Variants in RBFOX1 observed in about 807,000 individuals in gnomAD.
RBFOX1 encodes the protein RNA binding fox-1 homolog 1, also known as RNA binding protein fox-1 homolog 1.
RBFOX1 carries 8 observed loss-of-function variants against 57.7 expected under a neutral mutation model. That is an observed-to-expected ratio of 0.14 (90% CI 0.08 to 0.25). The LOEUF (loss-of-function observed/expected upper bound fraction) is 0.25. RBFOX1 is among the 10% of genes least tolerant of loss of function. The pLI, the probability that RBFOX1 is intolerant of heterozygous loss-of-function variation, is 1.00. For synonymous variants in RBFOX1, 326 were observed against 222.4 expected, an observed-to-expected ratio of 1.47 and a Z score of -4.15; for missense variants, 611 against 548.5, an observed-to-expected ratio of 1.11 and a Z score of -1.14.
intron 2 of RBFOX1, among the ~76,000 whole-genome samples, chr16:6,410,544 C>T (rs944604711): frequency 6.6e-6 from 1 of 151,940 alleles, no homozygotes; most frequent in Non-Finnish European, 1.5e-5. Flanking sequence ...ATCTCCTGAC[C>T]TCATGATCCA....
At chr16:5,479,751 C>T (rs1043526954) in intron 2 of RBFOX1, among the ~76,000 whole-genome samples, 2 of 151,686 alleles carry the variant, frequency 1.3e-5, no homozygotes, top group Non-Finnish European at 2.9e-5. Flanking sequence ...AAACTCCATC[C>T]CCGCCCCTCA....
At chr16:7,303,473 C>A (rs776180919) in intron 4 of RBFOX1, among the ~76,000 whole-genome samples, 1 of 152,254 alleles carries the variant, frequency 6.6e-6, no homozygotes, top group East Asian at 1.9e-4. Flanking sequence ...GTCCAGCTCG[C>A]CTGATGCCGG....
Position 5,500,768 on chromosome 16 carries a change from C to A in RBFOX1, c.258+33514C>A, listed in dbSNP as rs147796189. 2.7e-3 allele frequency among the ~76,000 whole-genome samples: 411 copies of A among 152,276 alleles called. 2 individuals carry two copies. Among genetic ancestry groups the A allele is most frequent in the African/African-American group, 9.1e-3 (378 of 41,560 alleles). ...AGCCTCTAATTCCATAAGCTTTTTGCGTGGTAACTTCACCACACAGTTGAC... is the reference window on the plus strand; with the variant it reads ...AGCCTCTAATTCCATAAGCTTTTTGAGTGGTAACTTCACCACACAGTTGAC... On this transcript the variant is annotated intron_variant, in intron 2 of 2. Coordinates refer to the RBFOX1 transcript ENST00000585867.
At chr16:5,417,073 C>T (rs570874441) in intron 1 of RBFOX1, among the ~76,000 whole-genome samples, 10 of 152,294 alleles carry the variant, frequency 6.6e-5, no homozygotes, top group East Asian at 5.8e-4. Flanking sequence ...TGAATCCTAC[C>T]GAAGTCTCAC....
intron 2 of RBFOX1, among the ~76,000 whole-genome samples, chr16:6,575,205 T>C (rs1261535495): frequency 6.6e-6 from 1 of 152,178 alleles, no homozygotes; most frequent in Non-Finnish European, 1.5e-5. Context: ...GTGAGTGATT[T>C]TTCTTCTGTG....
chr16:5,598,179 T>A (rs1374478467), intron 2 of RBFOX1, among the ~76,000 whole-genome samples: 1 of 150,830 alleles, frequency 6.6e-6, no homozygotes, highest in Non-Finnish European at 1.5e-5. Flanking sequence ...GTGCCTATAG[T>A]CCCAGCAACT....
chr16:7,547,604 T>C (rs1299643028), intron 5 of RBFOX1, among the ~76,000 whole-genome samples: 1 of 152,232 alleles, frequency 6.6e-6, no homozygotes, highest in East Asian at 1.9e-4. Flanking sequence ...CTGGCAGTGT[T>C]AGAATCAGGA....
At chr16:7,350,106 C>A (rs1378131440) in intron 4 of RBFOX1, among the ~76,000 whole-genome samples, 2 of 152,188 alleles carry the variant, frequency 1.3e-5, no homozygotes, top group Admixed American at 1.3e-4. Context: ...GAGATCAGGC[C>A]ACTGTACTCC....
At chr16:5,720,519 A>C (rs2880429) in intron 3 of RBFOX1, among the ~76,000 whole-genome samples, 1 of 151,936 alleles carries the variant, frequency 6.6e-6, no homozygotes, top group Non-Finnish European at 1.5e-5. Context: ...ACCTAAGCCA[A>C]GGTTGTAAAG....
At chr16:5,884,581 T>C (rs574391401) in intron 4 of RBFOX1, among the ~76,000 whole-genome samples, 7 of 151,964 alleles carry the variant, frequency 4.6e-5, no homozygotes, top group African/African-American at 7.2e-5. Flanking sequence ...GTAGAAGTAA[T>C]GTATGACTTT....
In RBFOX1 at chr16:6,600,530, A is replaced by C. The variant is rs7204682; in HGVS notation, c.-63-54073A>C. ...GCTTCAGCTGATAACTGCTCTGGCCAGAGACGAACGCTGTGGTGATTATAA... is the reference window on the plus strand; with the variant it reads ...GCTTCAGCTGATAACTGCTCTGGCCCGAGACGAACGCTGTGGTGATTATAA... On this transcript the variant is annotated intron_variant, in intron 2 of 15. Coordinates refer to ENST00000550418, the MANE Select transcript of RBFOX1 (RefSeq NM_018723.4). Among the ~76,000 whole-genome samples, 5 of 152,270 alleles carry C rather than the reference A, an allele frequency of 3.3e-5. No individual in the cohort carries two copies. The East Asian group carries it at 9.7e-4, about 29-fold the overall frequency.
At chr16:5,958,523 C>T (rs548059356) in intron 4 of RBFOX1, among the ~76,000 whole-genome samples, 2 of 152,208 alleles carry the variant, frequency 1.3e-5, no homozygotes, top group South Asian at 2.1e-4. Context: ...CTCAGTTTGC[C>T]CCAGTTTCCC....
chr16:6,655,578 A>G (rs1358915590), intron 3 of RBFOX1, among the ~76,000 whole-genome samples: 1 of 152,080 alleles, frequency 6.6e-6, no homozygotes, highest in Non-Finnish European at 1.5e-5. Context: ...AGCAACCGTT[A>G]GACAATTGTT....
At chr16:6,214,014 C>T (rs2097315185) in intron 1 of RBFOX1, among the ~76,000 whole-genome samples, 1 of 152,212 alleles carries the variant, frequency 6.6e-6, no homozygotes, top group South Asian at 2.1e-4. Context: ...AGCATAATCA[C>T]CTCTGCTTGA....
Position 5,484,626 on chromosome 16 carries a change from A to T in RBFOX1, c.258+17372A>T, listed in dbSNP as rs189511339. 2.8e-3 allele frequency among the ~76,000 whole-genome samples: 433 copies of T among 152,276 alleles called. 3 individuals carry two copies. Among genetic ancestry groups the T allele is most frequent in the African/African-American group, 9.2e-3 (384 of 41,566 alleles). On this transcript the variant is annotated intron_variant, in intron 2 of 2. Transcript: ENST00000585867. ...GACCTTGTCTGTACAAAAAATTTTT[A>T]AAATGGCCGGGTGTGGTGGCTCACA...
At chr16:6,406,575 AAC>A (rs1431055861) in intron 2 of RBFOX1, among the ~76,000 whole-genome samples, 1 of 146,634 alleles carries the variant, frequency 6.8e-6, no homozygotes, top group African/African-American at 2.7e-5. Flanking sequence ...TTGGAAGTCG[AAC>A]ATTTTTTTTT....
At chr16:6,690,872 T>A (rs899800616) in intron 3 of RBFOX1, among the ~76,000 whole-genome samples, 1 of 152,010 alleles carries the variant, frequency 6.6e-6, no homozygotes, top group African/African-American at 2.4e-5. Context: ...CCTTGGACTC[T>A]GAAACATAAT....
intron 3 of RBFOX1, among the ~76,000 whole-genome samples, chr16:6,662,198 G>C (rs2098706054): frequency 6.6e-6 from 1 of 152,076 alleles, no homozygotes; most frequent in East Asian, 1.9e-4. Flanking sequence ...TTAAGTTATA[G>C]ATAACTAATG....
At chr16:5,256,070 C>T (rs952496410) in intron 1 of RBFOX1, among the ~76,000 whole-genome samples, 20 of 151,970 alleles carry the variant, frequency 1.3e-4, no homozygotes, top group Non-Finnish European at 2.5e-4. Context: ...GGAGAACATA[C>T]GAAAGACACA....
Sources: allele counts gnomAD v4.1 joint callset (sites outside exome capture counted in the v4.1 genomes callset), GRCh38; gene constraint gnomAD v4.1.1; transcripts MANE v1.5; gene names NCBI Gene and HGNC (gene_info 2026-07-23, HGNC 2026-07-21).